The following CAMK4 variants were observed in gnomAD, a reference collection of about 807,000 sequenced individuals.
CAMK4 encodes the protein calcium/calmodulin-dependent protein kinase type IV.
A neutral mutation model predicts 44.9 loss-of-function variants in CAMK4; 22 were observed. The ratio of observed to expected loss-of-function variants is 0.49; its 90% CI spans 0.35 to 0.70. The LOEUF (loss-of-function observed/expected upper bound fraction) is 0.70, where lower values mean the gene tolerates loss of function less well. CAMK4 is among the 30% of genes least tolerant of loss of function. The probability of loss-of-function intolerance (pLI) is 0.01; values close to 1 mark genes in which losing one functional copy is unlikely to be tolerated. For missense variants in CAMK4, 498 were observed against 586.8 expected, an observed-to-expected ratio of 0.85 and a Z score of 1.56; for synonymous variants, 218 against 215.4, an observed-to-expected ratio of 1.01 and a Z score of -0.11.
intron 1 of CAMK4, among the ~76,000 whole-genome samples, chr5:111,245,058 A>G (rs1287269794): frequency 6.6e-6 from 1 of 152,192 alleles, no homozygotes; most frequent in Admixed American, 6.5e-5. Flanking sequence ...ATATATTACT[A>G]GAATATTTAG....
At chr5:111,450,220 G>A (rs781541208) in intron 7 of CAMK4, among the ~76,000 whole-genome samples, 1 of 152,100 alleles carries the variant, frequency 6.6e-6, no homozygotes, top group African/African-American at 2.4e-5. Flanking sequence ...TCCCCAGCTA[G>A]CTCCTCAGGA....
At chr5:111,379,557 G>C (rs1413605719) in intron 4 of CAMK4, among the ~76,000 whole-genome samples, 1 of 152,050 alleles carries the variant, frequency 6.6e-6, no homozygotes, top group East Asian at 1.9e-4. Flanking sequence ...TAATTCTGCA[G>C]TTATCTTTAA....
chr5:111,329,272 T>C (rs2112715990), intron 1 of CAMK4, among the ~76,000 whole-genome samples: 1 of 152,050 alleles, frequency 6.6e-6, no homozygotes, highest in African/African-American at 2.4e-5. Flanking sequence ...GCCAATATCA[T>C]ACTGAATGGG....
At chr5:111,398,606 T>C (rs1359793461) in intron 5 of CAMK4, among the ~76,000 whole-genome samples, 4 of 152,246 alleles carry the variant, frequency 2.6e-5, no homozygotes, top group Non-Finnish European at 5.9e-5. Flanking sequence ...GCGGAAGCCC[T>C]ACTTGTTTAT....
At chr5:111,439,230 G>A (rs1412715077) in intron 5 of CAMK4, among the ~76,000 whole-genome samples, 6 of 152,284 alleles carry the variant, frequency 3.9e-5, no homozygotes, top group East Asian at 1.9e-4. Context: ...GCAGGGGAGT[G>A]CCATATCTAG....
intron 1 of CAMK4, among the ~76,000 whole-genome samples, chr5:111,294,243 A>G (rs1747396689): frequency 6.6e-6 from 1 of 152,192 alleles, no homozygotes; most frequent in South Asian, 2.1e-4. Context: ...TAAGAACTGC[A>G]CAGATGATTG....
At chr5:111,341,550 A>G (rs907751369) in intron 1 of CAMK4, among the ~76,000 whole-genome samples, 2 of 151,204 alleles carry the variant, frequency 1.3e-5, no homozygotes, top group African/African-American at 4.8e-5. Flanking sequence ...TTTTTAAAAA[A>G]AAGTAAATAT....
intron 2 of CAMK4, among the ~76,000 whole-genome samples, chr5:111,345,969 A>G (rs947929408): frequency 6.6e-6 from 1 of 151,974 alleles, no homozygotes; most frequent in Non-Finnish European, 1.5e-5. Flanking sequence ...GCCAAATGGA[A>G]TGAGAGAAAA....
At chr5:111,408,395 G>A (rs1330359798) in intron 5 of CAMK4, among the ~76,000 whole-genome samples, 1 of 152,096 alleles carries the variant, frequency 6.6e-6, no homozygotes, top group Non-Finnish European at 1.5e-5. Flanking sequence ...CAGGCAAGAG[G>A]GCTTTTGCAT....
At chr5:111,406,578 A>T (rs978758129) in intron 5 of CAMK4, among the ~76,000 whole-genome samples, 1 of 151,974 alleles carries the variant, frequency 6.6e-6, no homozygotes, top group Non-Finnish European at 1.5e-5. Context: ...AGAACTAATG[A>T]TTAATTAAAG....
Position 111,224,434 on chromosome 5 carries a change from C to A in CAMK4, c.-50C>A, listed in dbSNP as rs767617440. The A allele has an allele frequency of 6.5e-7, 1 of 1,530,160 alleles. No individual in the cohort carries two copies. Among genetic ancestry groups the A allele is most frequent in the Non-Finnish European group, 8.8e-7 (1 of 1,141,820 alleles). The allele number at this position is 1,530,160 out of a possible 1,614,324, so 94.8% of individuals were successfully genotyped here. Reference sequence around the variant, plus strand: ...GGCGGCTGGCGGCCGGCTTCTCGCTCGGGCAGCGGCGGCGGCGGCGGCGGC... The same window carrying A: ...GGCGGCTGGCGGCCGGCTTCTCGCTAGGGCAGCGGCGGCGGCGGCGGCGGC... On this transcript the variant is annotated 5_prime_UTR_variant, in exon 1 of 11. Transcript: ENST00000282356. This position sits in a 1 kb window ranked among gnomAD's most constrained non-coding sequence, Gnocchi z 5.7.
At chr5:111,291,939 A>T (rs2112626346) in intron 1 of CAMK4, among the ~76,000 whole-genome samples, 1 of 152,368 alleles carries the variant, frequency 6.6e-6, no homozygotes, top group Middle Eastern at 3.4e-3. Flanking sequence ...TTATAAGGAC[A>T]GTGTCTAGAC....
chr5:111,430,010 A>G (rs1005133428), intron 5 of CAMK4, among the ~76,000 whole-genome samples: 1 of 151,940 alleles, frequency 6.6e-6, no homozygotes, highest in South Asian at 2.1e-4. Flanking sequence ...ACAATGATAT[A>G]TCAAAAAAGA....
intron 1 of CAMK4, among the ~76,000 whole-genome samples, chr5:111,308,416 A>T (rs932608835): frequency 1.3e-5 from 2 of 152,214 alleles, no homozygotes; most frequent in African/African-American, 4.8e-5. Flanking sequence ...TTACTAAAGA[A>T]TATTTTTGTT....
intron 1 of CAMK4, among the ~76,000 whole-genome samples, chr5:111,274,235 T>C (rs1485893108): frequency 6.6e-6 from 1 of 152,112 alleles, no homozygotes; most frequent in Non-Finnish European, 1.5e-5. Flanking sequence ...CCTCTCCAAT[T>C]CCTATATCCT....
At chr5:111,250,738 A>G (rs991636052) in intron 1 of CAMK4, among the ~76,000 whole-genome samples, 2 of 152,158 alleles carry the variant, frequency 1.3e-5, no homozygotes, top group South Asian at 2.1e-4. Context: ...CTTTTCTGAC[A>G]TCCATTTATC....
intron 5 of CAMK4, among the ~76,000 whole-genome samples, chr5:111,442,619 G>A (rs1753867928): frequency 6.7e-6 from 1 of 149,610 alleles, no homozygotes; most frequent in Admixed American, 6.7e-5. Context: ...CAATGCAGAA[G>A]CAAATATGAA....
intron 1 of CAMK4, among the ~76,000 whole-genome samples, chr5:111,329,035 A>T (rs1749033216): frequency 6.6e-6 from 1 of 152,000 alleles, no homozygotes; most frequent in Non-Finnish European, 1.5e-5. Context: ...CACCATGATC[A>T]AGTGGGCTTC....
intron 7 of CAMK4, among the ~76,000 whole-genome samples, chr5:111,456,355 A>G (rs42671): frequency 0.72 from 109,668 of 151,868 alleles, 40,406 homozygotes; most frequent in Non-Finnish European, 0.8. Flanking sequence ...GCCGGGCATG[A>G]TGGCGAGCAC....
Sources: gnomAD v4.1 joint callset for allele counts (sites outside exome capture counted in the v4.1 genomes callset) on GRCh38, gnomAD v4.1.1 for gene constraint, Gnocchi (gnomAD v3.1) non-coding constraint, MANE v1.5 for transcripts, NCBI Gene and HGNC (gene_info 2026-07-23, HGNC 2026-07-21) for gene names.